The following SAMD4A variants were observed in gnomAD, a reference collection of about 807,000 sequenced individuals.
The protein encoded by SAMD4A is sterile alpha motif domain containing 4A.
SAMD4A carries 33 observed loss-of-function variants against 81.3 expected under a neutral mutation model. The observed-to-expected ratio is 0.41, with a 90% CI of 0.31 to 0.54. The LOEUF (loss-of-function observed/expected upper bound fraction) is 0.54, where lower values mean the gene tolerates loss of function less well. Among genes scored for constraint, SAMD4A ranks in the 20% least tolerant of loss-of-function variants. The pLI, the probability that SAMD4A is intolerant of heterozygous loss-of-function variation, is 0.37. For synonymous variants in SAMD4A, 389 were observed against 382.1 expected (o/e 1.02, Z -0.21); for missense variants, 854 against 951.1 (o/e 0.90, Z 1.34).
chr14:54,584,858 T>G (rs2033572176), intron 2 of SAMD4A, among the ~76,000 whole-genome samples: 1 of 152,136 alleles, frequency 6.6e-6, no homozygotes, highest in South Asian at 2.1e-4. Context: ...CTGAAAAAAT[T>G]TATCAAATTG....
chr14:54,670,190 T>C (rs2035849822), intron 2 of SAMD4A, among the ~76,000 whole-genome samples: 1 of 152,168 alleles, frequency 6.6e-6, no homozygotes, highest in Non-Finnish European at 1.5e-5. Context: ...CGCCCCCATC[T>C]GCACCACCCT....
intron 2 of SAMD4A, among the ~76,000 whole-genome samples, chr14:54,593,079 C>T (rs66979557): frequency 0.14 from 21,252 of 152,168 alleles, 1,866 homozygotes; most frequent in East Asian, 0.38. Context: ...ACCCAACATT[C>T]AGCTTCAGTA....
intron 2 of SAMD4A, among the ~76,000 whole-genome samples, chr14:54,670,244 G>C (rs1310370073): frequency 6.6e-6 from 1 of 152,094 alleles, no homozygotes; most frequent in South Asian, 2.1e-4. Flanking sequence ...CGTCCAGTCT[G>C]TTCCTAGGCA....
chr14:54,578,121 C>T (rs940990476), intron 2 of SAMD4A, among the ~76,000 whole-genome samples: 3 of 152,140 alleles, frequency 2.0e-5, no homozygotes, highest in South Asian at 2.1e-4. Context: ...TCTCAATAAC[C>T]CTATGAGATG....
intron 3 of SAMD4A, among the ~76,000 whole-genome samples, chr14:54,723,999 TGGATGGATGGAAGGAAGGAA>T (rs1227252692): frequency 1.5e-4 from 8 of 53,032 alleles, no homozygotes; most frequent in Admixed American, 8.3e-4. Context: ...ATTGGATGGA[TGGATGGATGGAAGGAAGGAA>T]GGAAGGAAGG....
intron 6 of SAMD4A, among the ~76,000 whole-genome samples, chr14:54,757,637 C>T (rs2038281550): frequency 1.3e-5 from 2 of 152,158 alleles, no homozygotes; most frequent in South Asian, 4.1e-4. Flanking sequence ...TTTGCTCATC[C>T]CATTGACAGC....
intron 2 of SAMD4A, among the ~76,000 whole-genome samples, chr14:54,638,461 C>T (rs1049511999): frequency 2.6e-5 from 4 of 152,078 alleles, no homozygotes; most frequent in Non-Finnish European, 5.9e-5. Context: ...ATATAGTAAA[C>T]TTTTAGCATT....
intron 3 of SAMD4A, among the ~76,000 whole-genome samples, chr14:54,729,834 GA>G (rs1234140814): frequency 2.0e-5 from 3 of 152,134 alleles, no homozygotes; most frequent in African/African-American, 7.2e-5. Context: ...GTCCTTTTAG[GA>G]TTTCTTGATT....
chr14:54,632,235 C>G (rs924163189), intron 2 of SAMD4A, among the ~76,000 whole-genome samples: 1 of 152,102 alleles, frequency 6.6e-6, no homozygotes, highest in African/African-American at 2.4e-5. Flanking sequence ...AAAATGCAAA[C>G]GATTATACGG....
chr14:54,763,076 C>T (rs1274762129), intron 7 of SAMD4A, among the ~76,000 whole-genome samples: 8 of 151,798 alleles, frequency 5.3e-5, no homozygotes, highest in Admixed American at 3.9e-4. Flanking sequence ...AGGATGGTCT[C>T]GATCTCCTGA....
chr14:54,760,731 C>T (rs752245680), intron 7 of SAMD4A, among the ~76,000 whole-genome samples: 2 of 152,192 alleles, frequency 1.3e-5, no homozygotes, highest in Non-Finnish European at 1.5e-5. Context: ...TCTCCCAACT[C>T]CCTCAGACTA....
intron 2 of SAMD4A, among the ~76,000 whole-genome samples, chr14:54,673,151 C>T (rs2035921085): frequency 6.6e-6 from 1 of 152,158 alleles, no homozygotes; most frequent in Admixed American, 6.5e-5. Context: ...ATAATCCATG[C>T]TTGGAAACTA....
In SAMD4A at chr14:54,737,252, G is replaced by C; in HGVS notation, c.944G>C (p.Arg315Pro). ...CACTTAGAAGATCAGACCACTGCTC[G>C]TAACACATTCCAAGAAGAAGGTAGT... ...SEHLEDQTTA[R>P]NTFQEEGSGM... Residue 315 changes from arginine (R) to proline (P), a missense_variant, in exon 4 of 13, where the codon CGT (arginine) becomes CCT (proline). Arg to Pro is a moderately radical substitution (Grantham distance 103). Coordinates refer to ENST00000554335, the MANE Select transcript of SAMD4A (RefSeq NM_015589.6). 6.2e-7 allele frequency: 1 copy of C among 1,614,036 alleles called. No individual in the cohort carries two copies. Among genetic ancestry groups the C allele is most frequent in the Non-Finnish European group, 8.5e-7 (1 of 1,180,014 alleles).
At chr14:54,601,160 T>C (rs528298422) in intron 2 of SAMD4A, among the ~76,000 whole-genome samples, 1 of 152,326 alleles carries the variant, frequency 6.6e-6, no homozygotes, top group African/African-American at 2.4e-5. Context: ...ATTTATGAAA[T>C]TGAGAATTCA....
Position 54,702,154 on chromosome 14 carries a change from G to A in SAMD4A, c.289G>A (p.Ala97Thr), listed in dbSNP as rs1434827302. 2.5e-6 allele frequency: 4 copies of A among 1,614,004 alleles called. No individual in the cohort carries two copies. Among genetic ancestry groups the A allele is most frequent in the Non-Finnish European group, 2.5e-6 (3 of 1,180,008 alleles). Residue 97 changes from alanine (A) to threonine (T), a missense_variant, in exon 3 of 13, where the codon GCG (alanine) becomes ACG (threonine). Physicochemically the swap from Ala to Thr is moderately conservative, Grantham distance 58 (BLOSUM62 0). This residue lies in a region of SAMD4A where 387 missense variants were observed against 405.8 expected (regional missense o/e 0.95). Transcript: ENST00000554335. ...TTTGCTGAAGCCAGGAAACCTCGAC[G>A]CGAAAGTAGAATATATGAAACTGCT... ...LPLLKPGNLD[A>T]KVEYMKLLPK... is the part of the protein sequence containing the mutation.
rs146637171 is a variant in SAMD4A at position 54,679,388 on chromosome 14, T to C, written c.197-22674T>C. On this transcript the variant is annotated intron_variant, in intron 2 of 12. Coordinates refer to ENST00000554335, the MANE Select transcript of SAMD4A (RefSeq NM_015589.6). Reference sequence around the variant, plus strand: ...TGCTAATATTATGAGAAATGAATTATATGAAAAACAGTCTAGTCTTTTCTA... The same window carrying C: ...TGCTAATATTATGAGAAATGAATTACATGAAAAACAGTCTAGTCTTTTCTA... Among the ~76,000 whole-genome samples the C allele has an allele frequency of 4.4e-4, 67 of 152,314 alleles. 1 individual carries two copies. The highest frequency in any genetic ancestry group is 1.6e-3 in the African/African-American group (66 of 41,566).
At chr14:54,699,405 C>T (rs936010365) in intron 2 of SAMD4A, among the ~76,000 whole-genome samples, 1 of 152,082 alleles carries the variant, frequency 6.6e-6, no homozygotes, top group Non-Finnish European at 1.5e-5. Context: ...TCATCTGTGC[C>T]CTCCTGCCAG....
intron 5 of SAMD4A, among the ~76,000 whole-genome samples, chr14:54,750,694 A>G (rs1007447239): frequency 6.6e-6 from 1 of 152,240 alleles, no homozygotes; most frequent in African/African-American, 2.4e-5. Context: ...TCATCTTTTC[A>G]AGATGGGTAA....
At chr14:54,743,173 C>T (rs905761304) in intron 4 of SAMD4A, among the ~76,000 whole-genome samples, 26 of 152,290 alleles carry the variant, frequency 1.7e-4, no homozygotes, top group African/African-American at 6.0e-4. Flanking sequence ...TGGCAAAGCT[C>T]CATGAGTGGC....
Sources: allele counts gnomAD v4.1 joint callset (sites outside exome capture counted in the v4.1 genomes callset), GRCh38; gene constraint gnomAD v4.1.1; regional missense constraint gnomAD v4.1.1; transcripts MANE v1.5; gene names NCBI Gene and HGNC (gene_info 2026-07-23, HGNC 2026-07-21).